Variants in GALNT13 observed in about 807,000 individuals in gnomAD.
GALNT13 encodes polypeptide N-acetylgalactosaminyltransferase 13.
A neutral mutation model predicts 64.2 loss-of-function variants in GALNT13; 28 were observed. The observed-to-expected ratio is 0.44, with a 90% CI of 0.32 to 0.60. The LOEUF (loss-of-function observed/expected upper bound fraction) is 0.60. Ranked by LOEUF, GALNT13 falls within the 20% of genes least tolerant of loss-of-function variation. The pLI is 0.05. For missense variants in GALNT13, 577 were observed against 669.8 expected (o/e 0.86, Z 1.53); for synonymous variants, 214 against 224.6 (o/e 0.95, Z 0.42).
At chr2:153,728,239 TAC>T in the GALNT13 span, among the ~76,000 whole-genome samples, 3 of 152,370 alleles carry the variant, frequency 2.0e-5, no homozygotes, top group Middle Eastern at 6.8e-3. Flanking sequence ...GAATGTTTTA[TAC>T]TCCTTTGAGT....
At chr2:153,385,187 T>A in the GALNT13 span, among the ~76,000 whole-genome samples, 2 of 152,100 alleles carry the variant, frequency 1.3e-5, no homozygotes, top group Non-Finnish European at 2.9e-5. Flanking sequence ...TTGCTGGGTA[T>A]ATACCCAAAA....
the GALNT13 span, among the ~76,000 whole-genome samples, chr2:153,457,337 TA>T: frequency 6.6e-6 from 1 of 152,348 alleles, no homozygotes; most frequent in East Asian, 1.9e-4. Flanking sequence ...CCTGCCAGAC[TA>T]GTACTTAGAG....
At chr2:153,819,751 A>G in the GALNT13 span, among the ~76,000 whole-genome samples, 1 of 152,244 alleles carries the variant, frequency 6.6e-6, no homozygotes, top group Non-Finnish European at 1.5e-5. Flanking sequence ...TCCTGCCAAT[A>G]GAAGTGCATA....
chr2:153,740,653 G>A, the GALNT13 span, among the ~76,000 whole-genome samples: 1 of 151,826 alleles, frequency 6.6e-6, no homozygotes. Context: ...TCCTTTTTTT[G>A]TGGAGACTTA....
At chr2:154,408,960 C>T in intron 10 of GALNT13, 24 bp from the exon 11 acceptor site, 1 of 1,392,698 alleles carries the variant, frequency 7.2e-7, no homozygotes, top group Non-Finnish European at 1.0e-6. Flanking sequence ...GTTTTATCCC[C>T]CCCCTTTTGT....
At chr2:154,256,437 C>T (rs1573965337) in intron 7 of GALNT13, among the ~76,000 whole-genome samples, 1 of 151,884 alleles carries the variant, frequency 6.6e-6, no homozygotes, top group Non-Finnish European at 1.5e-5. Context: ...CCATAATCAC[C>T]AATAAAGGAT....
At chr2:154,121,425 T>C (rs2105517534) in intron 3 of GALNT13, among the ~76,000 whole-genome samples, 1 of 152,334 alleles carries the variant, frequency 6.6e-6, no homozygotes, top group East Asian at 1.9e-4. Flanking sequence ...GAGTAATTTA[T>C]TCCACAGTGT....
chr2:153,667,832 A>C, the GALNT13 span, among the ~76,000 whole-genome samples: 1 of 152,180 alleles, frequency 6.6e-6, no homozygotes, highest in Non-Finnish European at 1.5e-5. Context: ...AAAGAGTAAC[A>C]AGCTGGGTAA....
rs143200145 is a variant in GALNT13 at position 154,006,970 on chromosome 2, T to C, written c.142+62331T>C. Among the ~76,000 whole-genome samples the C allele has an allele frequency of 3.9e-4, 59 of 152,344 alleles. No homozygotes were observed. The Middle Eastern group carries it at 0.014, about 35-fold the overall frequency. On this transcript the variant is annotated intron_variant, in intron 3 of 12. Coordinates refer to ENST00000392825, the MANE Select transcript of GALNT13 (RefSeq NM_052917.4). ...TGTGATGGGATATTATAACTGTGAC[T>C]AGATTCAATTTTGTGACCAAGATGA...
chr2:153,974,624 T>C (rs1693959847), intron 3 of GALNT13, among the ~76,000 whole-genome samples: 1 of 152,104 alleles, frequency 6.6e-6, no homozygotes, highest in South Asian at 2.1e-4. Context: ...ATAAATGCTA[T>C]GTAAAAAAAT....
chr2:154,099,392 C>A (rs1011540617), intron 3 of GALNT13, among the ~76,000 whole-genome samples: 1 of 152,070 alleles, frequency 6.6e-6, no homozygotes, highest in African/African-American at 2.4e-5. Flanking sequence ...CTGATTATTT[C>A]TTTTGCTGTG....
chr2:154,287,249 GC>G, intron 8 of GALNT13: 1 of 955,188 alleles, frequency 1.0e-6, no homozygotes, highest in Non-Finnish European at 1.7e-6. Flanking sequence ...CATCATCTTT[GC>G]CGACGGCAAC....
intron 4 of GALNT13, among the ~76,000 whole-genome samples, chr2:154,170,260 A>G (rs1005126044): frequency 2.6e-5 from 4 of 152,118 alleles, no homozygotes; most frequent in African/African-American, 9.7e-5. Context: ...TACTCAGTCC[A>G]CTGAGTCAAA....
At chr2:153,505,867 A>C in the GALNT13 span, among the ~76,000 whole-genome samples, 2,003 of 152,236 alleles carry the variant, frequency 0.013, 45 homozygotes, top group African/African-American at 0.045. Flanking sequence ...ATATCTGTTA[A>C]GTCCATTTGT....
chr2:153,561,641 CTGTGTGTGTG>C, the GALNT13 span, among the ~76,000 whole-genome samples: 101 of 146,578 alleles, frequency 6.9e-4, no homozygotes, highest in African/African-American at 2.4e-3. Context: ...GATGTTCAAC[CTGTGTGTGTG>C]TGTGTGTGTG....
chr2:153,153,090 A>G, the GALNT13 span, among the ~76,000 whole-genome samples: 1 of 151,806 alleles, frequency 6.6e-6, no homozygotes, highest in Non-Finnish European at 1.5e-5. Flanking sequence ...TTCTTATAAT[A>G]GCCATTCAGA....
chr2:154,412,191 A>T (rs1699824673), intron 11 of GALNT13, among the ~76,000 whole-genome samples: 1 of 151,860 alleles, frequency 6.6e-6, no homozygotes, highest in Non-Finnish European at 1.5e-5. Flanking sequence ...TAACAAATAC[A>T]GATTATGGAA....
intron 3 of GALNT13, among the ~76,000 whole-genome samples, chr2:153,978,958 A>T (rs1360510777): frequency 1.3e-5 from 2 of 152,106 alleles, no homozygotes; most frequent in African/African-American, 4.8e-5. Context: ...AAAAATAAAC[A>T]ATAAGGAAAG....
intron 8 of GALNT13, among the ~76,000 whole-genome samples, chr2:154,283,126 T>C (rs1221453069): frequency 6.6e-6 from 1 of 152,298 alleles, no homozygotes; most frequent in African/African-American, 2.4e-5. Flanking sequence ...AAGGCCTTTT[T>C]AGACTTTGTT....
Sources: gnomAD v4.1 joint callset for allele counts (sites outside exome capture counted in the v4.1 genomes callset) on GRCh38, gnomAD v4.1.1 for gene constraint, MANE v1.5 for transcripts, NCBI Gene and HGNC (gene_info 2026-07-23, HGNC 2026-07-21) for gene names.